PRKG1: variants seen among roughly 807,000 people sequenced by gnomAD.
The protein encoded by PRKG1 is cGMP-dependent protein kinase 1.
In PRKG1, 35 loss-of-function variants were observed where a neutral mutation model predicts 88.1. That is an observed-to-expected ratio of 0.40 (90% CI 0.30 to 0.53). The LOEUF (loss-of-function observed/expected upper bound fraction) is 0.53, where lower values mean the gene tolerates loss of function less well. Among genes scored for constraint, PRKG1 ranks in the 20% least tolerant of loss-of-function variants. PRKG1 has a pLI of 0.59. For synonymous variants in PRKG1, 303 were observed against 292.5 expected (o/e 1.04, Z -0.37); for missense variants, 540 against 839.8 (o/e 0.64, Z 4.41).
intron 3 of PRKG1, among the ~76,000 whole-genome samples, chr10:51,627,956 T>TTCTA (rs1278468104): frequency 9.2e-5 from 2 of 21,800 alleles, no homozygotes; most frequent in African/African-American, 2.1e-4. Context: ...CTTTCTTTCT[T>TTCTA]TCTTTCTTTC....
chr10:52,080,309 A>G (rs1043006614), intron 7 of PRKG1, among the ~76,000 whole-genome samples: 2 of 151,998 alleles, frequency 1.3e-5, no homozygotes, highest in Admixed American at 6.6e-5. Context: ...TGTTTTTTTC[A>G]TGAGTATCTA....
At chr10:52,105,101 G>C (rs1282245753) in intron 7 of PRKG1, among the ~76,000 whole-genome samples, 1 of 150,982 alleles carries the variant, frequency 6.6e-6, no homozygotes, top group Non-Finnish European at 1.5e-5. Flanking sequence ...CTCATTCATA[G>C]TTTCTTAAAA....
At chr10:52,022,000 C>T (rs1172502984) in intron 5 of PRKG1, among the ~76,000 whole-genome samples, 1 of 152,106 alleles carries the variant, frequency 6.6e-6, no homozygotes, top group Non-Finnish European at 1.5e-5. Flanking sequence ...GCAGACAGTC[C>T]TCATTGTTCA....
rs192860901 is a variant in PRKG1, at chr10:51,940,861, A to G, written c.762+33291A>G. 1.6e-3 allele frequency among the ~76,000 whole-genome samples: 244 copies of G among 152,112 alleles called. 5 individuals are homozygous for G. The highest frequency in any genetic ancestry group is 5.4e-3 in the African/African-American group (225 of 41,434). On this transcript the variant is annotated intron_variant, in intron 5 of 17. Coordinates refer to ENST00000373980, the MANE Select transcript of PRKG1 (RefSeq NM_006258.4). ...CCTTTTGAGGGAAAATTCTCATCAG[A>G]TCACAGTAGATATTGTAATGATCAT...
intron 4 of PRKG1, among the ~76,000 whole-genome samples, chr10:51,901,746 T>C (rs780901776): frequency 7.2e-5 from 11 of 152,210 alleles, no homozygotes; most frequent in Non-Finnish European, 1.5e-4. Flanking sequence ...GCTGGCATGA[T>C]AATCTTTCCA....
At chr10:51,213,516 C>A (rs1838290188) in intron 2 of PRKG1, among the ~76,000 whole-genome samples, 1 of 152,088 alleles carries the variant, frequency 6.6e-6, no homozygotes, top group Non-Finnish European at 1.5e-5. Flanking sequence ...TGAGATTTTG[C>A]AAAAGACAAC....
At chr10:52,138,621 G>A (rs1249747224) in intron 8 of PRKG1, among the ~76,000 whole-genome samples, 2 of 151,992 alleles carry the variant, frequency 1.3e-5, no homozygotes, top group African/African-American at 2.4e-5. Context: ...ACTCTGTGAT[G>A]TTTTCTCATA....
intron 1 of PRKG1, among the ~76,000 whole-genome samples, chr10:51,081,825 T>C (rs1454167740): frequency 6.6e-6 from 1 of 152,160 alleles, no homozygotes; most frequent in African/African-American, 2.4e-5. Flanking sequence ...GACACAGCCA[T>C]AGCTCACTGC....
intron 3 of PRKG1, among the ~76,000 whole-genome samples, chr10:51,535,342 T>G (rs114284068): frequency 1.3e-5 from 2 of 152,312 alleles, no homozygotes; most frequent in African/African-American, 4.8e-5. Flanking sequence ...CAAGGTAGAA[T>G]ATAACAAAAA....
chr10:51,775,283 G>A (rs1482965108), intron 3 of PRKG1, among the ~76,000 whole-genome samples: 1 of 151,922 alleles, frequency 6.6e-6, no homozygotes, highest in Non-Finnish European at 1.5e-5. Context: ...ATACTATAGC[G>A]GTCTAAAGTA....
chr10:51,831,795 T>A (rs562350852), intron 4 of PRKG1, among the ~76,000 whole-genome samples: 2 of 152,084 alleles, frequency 1.3e-5, no homozygotes, highest in Non-Finnish European at 2.9e-5. Flanking sequence ...TCCATATACA[T>A]TGAATTGTCC....
intron 5 of PRKG1, among the ~76,000 whole-genome samples, chr10:52,017,961 T>G (rs1412776479): frequency 6.6e-6 from 1 of 152,170 alleles, no homozygotes; most frequent in Admixed American, 6.6e-5. Flanking sequence ...AAACTACAAT[T>G]GCACTTTTCT....
At chr10:52,101,476 C>T (rs369377460) in intron 7 of PRKG1, among the ~76,000 whole-genome samples, 1 of 152,122 alleles carries the variant, frequency 6.6e-6, no homozygotes, top group Non-Finnish European at 1.5e-5. Context: ...AAATCTTATT[C>T]ATACTGCATA....
rs570431367 is a variant in PRKG1, at chr10:52,276,090, T to A, written c.1403+3609T>A. The stretch of plus-strand genomic sequence containing the variant: ...CAGTTCTAGGAGCTTCCTGGAAGAG[T>A]CCTTAGGGTTTGCCAGGAAAACGGT... On this transcript the variant is annotated intron_variant, in intron 12 of 17. Coordinates refer to ENST00000373980, the MANE Select transcript of PRKG1 (RefSeq NM_006258.4). Among the ~76,000 whole-genome samples, 23 of 152,120 alleles carry A rather than the reference T, an allele frequency of 1.5e-4. 1 individual carries two copies. Among genetic ancestry groups the A allele is most frequent in the African/African-American group, 5.5e-4 (23 of 41,514 alleles).
At chr10:52,285,179 G>C (rs1842089220) in intron 14 of PRKG1, among the ~76,000 whole-genome samples, 1 of 151,804 alleles carries the variant, frequency 6.6e-6, no homozygotes, top group Non-Finnish European at 1.5e-5. Flanking sequence ...TTTGCTCAAG[G>C]ATCCATCTCC....
chr10:52,035,852 A>G (rs1163609956), intron 5 of PRKG1, among the ~76,000 whole-genome samples: 1 of 152,236 alleles, frequency 6.6e-6, no homozygotes, highest in Non-Finnish European at 1.5e-5. Flanking sequence ...GAGCCGCTGC[A>G]CGCAGACATG....
intron 2 of PRKG1, among the ~76,000 whole-genome samples, chr10:51,393,397 A>G (rs1486061634): frequency 8.7e-6 from 1 of 115,492 alleles, no homozygotes; most frequent in Non-Finnish European, 1.8e-5. Flanking sequence ...AGGCAGAGGG[A>G]CTCCTCAACT....
At chr10:51,611,604 A>G (rs1364701564) in intron 3 of PRKG1, among the ~76,000 whole-genome samples, 3 of 146,452 alleles carry the variant, frequency 2.0e-5, no homozygotes, top group African/African-American at 7.5e-5. Context: ...TTGATTGGTT[A>G]TTTTTGCTGT....
At chr10:51,028,732 C>G (rs1055955062) in intron 1 of PRKG1, among the ~76,000 whole-genome samples, 4 of 152,164 alleles carry the variant, frequency 2.6e-5, no homozygotes, top group African/African-American at 9.7e-5. Context: ...TTAGAAGTTC[C>G]TACTCTAGAG....
Sources: gnomAD v4.1 joint callset for allele counts (sites outside exome capture counted in the v4.1 genomes callset) on GRCh38, gnomAD v4.1.1 for gene constraint, MANE v1.5 for transcripts, NCBI Gene and HGNC (gene_info 2026-07-23, HGNC 2026-07-21) for gene names.